The following KIF21A variants were observed in gnomAD, a reference collection of about 807,000 sequenced individuals.
KIF21A encodes kinesin family member 21A.
KIF21A carries 114 observed loss-of-function variants against 202.9 expected under a neutral mutation model. The ratio of observed to expected loss-of-function variants is 0.56; its 90% CI spans 0.48 to 0.66. The LOEUF is 0.66. Among genes scored for constraint, KIF21A ranks in the 30% least tolerant of loss-of-function variants. The pLI, the probability that KIF21A is intolerant of heterozygous loss-of-function variation, is 0.00. For missense variants in KIF21A, 1,677 were observed against 1,994.9 expected, an observed-to-expected ratio of 0.84 and a Z score of 3.04; for synonymous variants, 667 against 670.8, an observed-to-expected ratio of 0.99 and a Z score of 0.09.
At chr12:39,317,489 C>T (rs1453215866) in intron 29 of KIF21A, among the ~76,000 whole-genome samples, 1 of 152,116 alleles carries the variant, frequency 6.6e-6, no homozygotes, top group Non-Finnish European at 1.5e-5. Context: ...ATGACATTTA[C>T]ATTTTCCACA....
chr12:39,320,967 A>G (rs200849626), intron 27 of KIF21A, among the ~76,000 whole-genome samples: 2,000 of 139,434 alleles, frequency 0.014, 42 homozygotes, highest in Middle Eastern at 0.029. Flanking sequence ...AAAGTCTGGG[A>G]AAAAAAAAAC....
chr12:39,370,839 A>G (rs1337835066), intron 1 of KIF21A, among the ~76,000 whole-genome samples: 1 of 151,928 alleles, frequency 6.6e-6, no homozygotes, highest in Non-Finnish European at 1.5e-5. Flanking sequence ...AATAATATTC[A>G]TGTCCTACTA....
intron 24 of KIF21A, among the ~76,000 whole-genome samples, chr12:39,328,660 C>G (rs1172054710): frequency 6.6e-6 from 1 of 152,068 alleles, no homozygotes; most frequent in African/African-American, 2.4e-5. Flanking sequence ...CCCTTCAGTT[C>G]CCTCATTCCA....
At position 39,339,235 on chromosome 12, in the gene KIF21A, C is replaced by CAAAA. The variant is rs35065621; in HGVS notation, c.2310+926_2310+929dup. 5.9e-4 allele frequency among the ~76,000 whole-genome samples: 77 copies of CAAAA among 130,550 alleles called. 1 individual carries two copies. Among genetic ancestry groups the CAAAA allele is most frequent in the South Asian group, 1.7e-3 (7 of 4,022 alleles). 85.6% of individuals were successfully genotyped at this position (130,550 alleles called of 152,430 possible). On this transcript the variant is annotated intron_variant, in intron 16 of 37. Coordinates refer to ENST00000361418, the MANE Select transcript of KIF21A (RefSeq NM_001173464.2). Reference sequence around the variant, plus strand: ...TGGGCAACAGAGCGAGACTCCCTCTCAAAAAAAAAAAAAAAAGTGTACCAT... The same window carrying CAAAA: ...TGGGCAACAGAGCGAGACTCCCTCTCAAAAAAAAAAAAAAAAAAAAGTGTACCAT...
rs150050832 is a variant in KIF21A at position 39,323,935 on chromosome 12, C to T, written c.3457-1053G>A. Among the ~76,000 whole-genome samples, 1,024 of 151,938 alleles carry T rather than the reference C, an allele frequency of 6.7e-3. 16 individuals carry two copies. The highest frequency in any genetic ancestry group is 0.024 in the African/African-American group (980 of 41,440). On this transcript the variant is annotated intron_variant, in intron 26 of 37. Transcript: ENST00000361418. ...ACCCTCCTGGCTAACATGGTGAAAC[C>T]CCTTCTCTACCAAAAATACAAAAAA...
intron 37 of KIF21A, among the ~76,000 whole-genome samples, chr12:39,294,810 T>A (rs979818188): frequency 1.3e-5 from 2 of 152,240 alleles, no homozygotes; most frequent in Non-Finnish European, 2.9e-5. Context: ...ATCCTCTTTT[T>A]ATTGAAGAGC....
intron 1 of KIF21A, among the ~76,000 whole-genome samples, chr12:39,405,559 A>T (rs1952515184): frequency 6.6e-6 from 1 of 152,248 alleles, no homozygotes; most frequent in South Asian, 2.1e-4. Context: ...TGCAGGAAAT[A>T]TTTAACTAGT....
intron 1 of KIF21A, among the ~76,000 whole-genome samples, chr12:39,426,425 A>C (rs560337789): frequency 6.6e-6 from 1 of 152,340 alleles, no homozygotes; most frequent in East Asian, 1.9e-4. Flanking sequence ...GAATAAATTC[A>C]TGGAGAGGTA....
chr12:39,295,897 G>T (rs1051245873), intron 37 of KIF21A, among the ~76,000 whole-genome samples: 16 of 150,914 alleles, frequency 1.1e-4, no homozygotes, highest in Admixed American at 9.9e-4. Context: ...TAGAGATGGG[G>T]TTTCACCATG....
rs1175775448 is a variant in KIF21A, at chr12:39,398,263, TGAA to T, written c.45-28005_45-28003del. ...ATCTTTCGTACTGAATGATACTTCA[TGAA>T]GAAGTTCTTTTACATGAACTCATGC... On this transcript the variant is annotated intron_variant, in intron 1 of 37. Transcript: ENST00000361418. Among the ~76,000 whole-genome samples, 5 of 152,318 alleles carry T rather than the reference TGAA, an allele frequency of 3.3e-5. No homozygotes were observed. In the South Asian group the frequency reaches 6.2e-4, roughly 19 times the overall value.
At chr12:39,306,565 GT>G (rs930061746) in intron 34 of KIF21A, among the ~76,000 whole-genome samples, 1 of 152,058 alleles carries the variant, frequency 6.6e-6, no homozygotes, top group Middle Eastern at 3.2e-3. Flanking sequence ...TATAACACTA[GT>G]TTTTCCCAAT....
chr12:39,413,937 T>C (rs1490889730), intron 1 of KIF21A, among the ~76,000 whole-genome samples: 3 of 152,272 alleles, frequency 2.0e-5, no homozygotes, highest in Middle Eastern at 6.8e-3. Flanking sequence ...ATTTGAGGCC[T>C]ACAGTCCTGA....
chr12:39,322,959 T>G, intron 26 of KIF21A, 77 bp from the exon 27 acceptor site: 3 of 1,146,888 alleles, frequency 2.6e-6, no homozygotes, highest in Non-Finnish European at 3.8e-6. Context: ...GAGATTTATA[T>G]GAGTTTGAAA....
intron 1 of KIF21A, among the ~76,000 whole-genome samples, chr12:39,402,268 C>G (rs1433534248): frequency 6.6e-6 from 1 of 152,148 alleles, no homozygotes; most frequent in Non-Finnish European, 1.5e-5. Context: ...ACCACCACAA[C>G]TTGGGTAGAA....
intron 5 of KIF21A, 76 bp from the exon 6 acceptor site, chr12:39,366,593 TC>T: frequency 1.9e-6 from 2 of 1,079,354 alleles, no homozygotes; most frequent in African/African-American, 1.6e-5. Flanking sequence ...CTTGCGCTTA[TC>T]CCATGTACAC....
At chr12:39,425,296 C>T (rs1954656298) in intron 1 of KIF21A, among the ~76,000 whole-genome samples, 1 of 152,186 alleles carries the variant, frequency 6.6e-6, no homozygotes. Flanking sequence ...AGAATTAAAG[C>T]TCTTGTCTTG....
intron 1 of KIF21A, among the ~76,000 whole-genome samples, chr12:39,406,752 A>G (rs1316744739): frequency 6.6e-6 from 1 of 152,098 alleles, no homozygotes; most frequent in African/African-American, 2.4e-5. Flanking sequence ...TTTCTCTCCT[A>G]CTGCCACAAT....
intron 4 of KIF21A, 109 bp downstream of exon 4, chr12:39,367,774 A>G: frequency 2.4e-6 from 2 of 825,854 alleles, no homozygotes; most frequent in South Asian, 1.6e-5. Flanking sequence ...ATTCCATGTC[A>G]TGCTTCAGGA....
intron 11 of KIF21A, among the ~76,000 whole-genome samples, chr12:39,348,431 A>C (rs188419636): frequency 6.6e-6 from 1 of 152,028 alleles, no homozygotes; most frequent in Non-Finnish European, 1.5e-5. Context: ...AAACCTTAAA[A>C]CCTCACATAT....
Sources: gnomAD v4.1 joint callset for allele counts (sites outside exome capture counted in the v4.1 genomes callset) on GRCh38, gnomAD v4.1.1 for gene constraint, MANE v1.5 for transcripts, NCBI Gene and HGNC (gene_info 2026-07-23, HGNC 2026-07-21) for gene names.